CPNE4: variants seen among roughly 807,000 people sequenced by gnomAD.
CPNE4 encodes the protein copine-4.
In CPNE4, 25 loss-of-function variants were observed where a neutral mutation model predicts 67.9. That is an observed-to-expected ratio of 0.37 (90% confidence interval 0.27 to 0.51). CPNE4 has a LOEUF of 0.51. CPNE4 is among the 20% of genes least tolerant of loss of function. CPNE4 has a pLI of 0.93. For synonymous variants in CPNE4, 242 were observed against 244.9 expected, an observed-to-expected ratio of 0.99 and a Z score of 0.11; for missense variants, 464 against 690.8, an observed-to-expected ratio of 0.67 and a Z score of 3.68.
chr3:131,899,509 C>G (rs2088469472), intron 2 of CPNE4, among the ~76,000 whole-genome samples: 3 of 152,022 alleles, frequency 2.0e-5, no homozygotes, highest in African/African-American at 7.2e-5. Flanking sequence ...AAGTTTGCAA[C>G]CTTTGAAAAA....
At chr3:131,953,238 TTAAAAAAAA>T (rs1261198178) in intron 1 of CPNE4, among the ~76,000 whole-genome samples, 3 of 75,698 alleles carry the variant, frequency 4.0e-5, no homozygotes, top group African/African-American at 1.5e-4. Flanking sequence ...GAATGATCAA[TTAAAAAAAA>T]AAAAAAAAAA....
At chr3:131,792,623 A>ATATACACGTGTGTATATATG (rs2083762417) in intron 2 of CPNE4, among the ~76,000 whole-genome samples, 1 of 76,046 alleles carries the variant, frequency 1.3e-5, no homozygotes, top group Non-Finnish European at 2.7e-5. Context: ...ATATATGTAT[A>ATATACACGTGTGTATATATG]TATATATACA....
intron 2 of CPNE4, among the ~76,000 whole-genome samples, chr3:131,848,912 T>C (rs1293117051): frequency 6.9e-6 from 1 of 145,520 alleles, no homozygotes; most frequent in South Asian, 2.2e-4. Flanking sequence ...AGAAGGCGTT[T>C]TTTTTTCATC....
intron 7 of CPNE4, among the ~76,000 whole-genome samples, chr3:131,619,005 G>A (rs550256748): frequency 6.8e-4 from 104 of 152,316 alleles, no homozygotes; most frequent in Non-Finnish European, 1.1e-3. Context: ...AAAAAGCATT[G>A]TGGACAAACT....
At chr3:131,993,662 C>A (rs2073226647) in intron 1 of CPNE4, among the ~76,000 whole-genome samples, 1 of 134,216 alleles carries the variant, frequency 7.5e-6, no homozygotes, top group African/African-American at 2.5e-5. Flanking sequence ...CTCTTTTGCA[C>A]CATTGTAACT....
chr3:131,798,609 G>A (rs999318355), intron 2 of CPNE4, among the ~76,000 whole-genome samples: 1 of 151,500 alleles, frequency 6.6e-6, no homozygotes, highest in Non-Finnish European at 1.5e-5. Context: ...AAGCTTCCTG[G>A]AAGAAGTGAT....
At chr3:131,563,972 C>T (rs1276615502) in intron 11 of CPNE4, among the ~76,000 whole-genome samples, 2 of 152,098 alleles carry the variant, frequency 1.3e-5, no homozygotes, top group Non-Finnish European at 2.9e-5. Flanking sequence ...AAAATGGAAA[C>T]CAAAATTGCT....
chr3:131,898,471 G>T lies in CPNE4; in HGVS notation c.180+6793C>A, dbSNP rs139181734. Among the ~76,000 whole-genome samples the T allele has an allele frequency of 2.0e-5, 3 of 152,158 alleles. No homozygotes were observed. The South Asian group carries it at 6.2e-4, about 32-fold the overall frequency. On this transcript the variant is annotated intron_variant, in intron 2 of 15. Transcript: ENST00000429747. ...TCTGGCTGATGAAATTATCTTCAGG[G>T]CATACAAAAGAATTAATTAAGAGGC...
chr3:131,713,056 G>C (rs2081597390), intron 3 of CPNE4, among the ~76,000 whole-genome samples: 1 of 152,072 alleles, frequency 6.6e-6, no homozygotes, highest in South Asian at 2.1e-4. Flanking sequence ...CACTGATAGG[G>C]TGGTCTGGGG....
intron 7 of CPNE4, among the ~76,000 whole-genome samples, chr3:131,623,715 A>G (rs7624075): frequency 0.28 from 41,954 of 152,178 alleles, 9,535 homozygotes; most frequent in African/African-American, 0.63. Context: ...CATATTCCCA[A>G]GTTGCATCCC....
chr3:131,890,974 A>T (rs550367106), intron 2 of CPNE4, among the ~76,000 whole-genome samples: 1 of 152,264 alleles, frequency 6.6e-6, no homozygotes, highest in African/African-American at 2.4e-5. Flanking sequence ...GTTGTTTAAT[A>T]ATTGCAAAAT....
intron 1 of CPNE4, among the ~76,000 whole-genome samples, chr3:131,989,304 C>T (rs1023651690): frequency 4.6e-5 from 7 of 152,184 alleles, no homozygotes; most frequent in African/African-American, 1.4e-4. Flanking sequence ...TTACTGGAGT[C>T]CCTGTAGGTC....
At chr3:131,793,285 G>A (rs569672203) in intron 2 of CPNE4, among the ~76,000 whole-genome samples, 18 of 152,102 alleles carry the variant, frequency 1.2e-4, no homozygotes, top group African/African-American at 3.9e-4. Context: ...CTTCTACACA[G>A]GATCAAGAGG....
intron 2 of CPNE4, among the ~76,000 whole-genome samples, chr3:131,865,204 G>T (rs949584255): frequency 3.9e-5 from 6 of 152,068 alleles, no homozygotes; most frequent in African/African-American, 1.4e-4. Flanking sequence ...TTGGTATCAG[G>T]ATAATGCTGG....
At chr3:131,797,026 A>G (rs906788007) in intron 2 of CPNE4, among the ~76,000 whole-genome samples, 23 of 152,178 alleles carry the variant, frequency 1.5e-4, no homozygotes, top group Non-Finnish European at 1.9e-4. Context: ...CAACCTCTAG[A>G]CATGTCTTCA....
At chr3:131,789,669 A>G (rs970964366) in intron 2 of CPNE4, among the ~76,000 whole-genome samples, 1 of 152,212 alleles carries the variant, frequency 6.6e-6, no homozygotes, top group Non-Finnish European at 1.5e-5. Flanking sequence ...GTAAAACACC[A>G]CTGAAGAAAT....
intron 7 of CPNE4, among the ~76,000 whole-genome samples, chr3:131,603,119 G>A (rs1939300488): frequency 6.6e-6 from 1 of 152,022 alleles, no homozygotes; most frequent in Non-Finnish European, 1.5e-5. Flanking sequence ...TGGATGAGTT[G>A]GATCTGTTTC....
chr3:131,903,780 G>C (rs1490452174), intron 2 of CPNE4, among the ~76,000 whole-genome samples: 3 of 152,038 alleles, frequency 2.0e-5, no homozygotes. Flanking sequence ...ACCCAGTAAA[G>C]TTTAGGTCAT....
At chr3:131,910,553 A>G (rs2088939176) in intron 1 of CPNE4, among the ~76,000 whole-genome samples, 1 of 152,176 alleles carries the variant, frequency 6.6e-6, no homozygotes, top group Non-Finnish European at 1.5e-5. Flanking sequence ...ATCTGATTCC[A>G]TGGGGGCTCT....
Sources: allele counts gnomAD v4.1 joint callset (sites outside exome capture counted in the v4.1 genomes callset), GRCh38; gene constraint gnomAD v4.1.1; transcripts MANE v1.5; gene names NCBI Gene and HGNC (gene_info 2026-07-23, HGNC 2026-07-21).